The following RBFOX1 variants were observed in gnomAD, a reference collection of about 807,000 sequenced individuals.
RBFOX1 encodes RNA binding protein fox-1 homolog 1.
In RBFOX1, 8 loss-of-function variants were observed where a neutral mutation model predicts 57.7. The ratio of observed to expected loss-of-function variants is 0.14; its 90% CI spans 0.08 to 0.25. The LOEUF (loss-of-function observed/expected upper bound fraction) is 0.25. RBFOX1 is among the 10% of genes least tolerant of loss of function. RBFOX1 has a pLI of 1.00. For synonymous variants in RBFOX1, 326 were observed against 222.4 expected (o/e 1.47, Z -4.15); for missense variants, 611 against 548.5 (o/e 1.11, Z -1.14).
At chr16:7,551,445 G>A (rs970006450) in intron 5 of RBFOX1, among the ~76,000 whole-genome samples, 1 of 152,154 alleles carries the variant, frequency 6.6e-6, no homozygotes, top group Non-Finnish European at 1.5e-5. Flanking sequence ...GGAATATTTG[G>A]GGCGCACTTG....
intron 4 of RBFOX1, among the ~76,000 whole-genome samples, chr16:6,009,052 G>T (rs2094944155): frequency 6.6e-6 from 1 of 151,780 alleles, no homozygotes; most frequent in Non-Finnish European, 1.5e-5. Context: ...GGAGAGGGAT[G>T]CAAGAAAATT....
At chr16:7,607,581 T>C (rs1409313653) in intron 10 of RBFOX1, among the ~76,000 whole-genome samples, 1 of 152,178 alleles carries the variant, frequency 6.6e-6, no homozygotes, top group Admixed American at 6.5e-5. Flanking sequence ...CAATTCACAT[T>C]GATTTTGCCC....
chr16:7,467,162 A>T (rs1164133178), intron 4 of RBFOX1, among the ~76,000 whole-genome samples: 2 of 152,232 alleles, frequency 1.3e-5, no homozygotes, highest in Non-Finnish European at 2.9e-5. Context: ...TAGAGAGGAA[A>T]TCAGACTTCT....
In RBFOX1 at chr16:7,606,638, A is replaced by G. The variant is rs572660814; in HGVS notation, c.623-647A>G. 8.7e-4 allele frequency among the ~76,000 whole-genome samples: 132 copies of G among 152,332 alleles called. 2 individuals are homozygous for G. The highest frequency in any genetic ancestry group is 2.9e-3 in the African/African-American group (122 of 41,580). ...TTACAAAAAACTCTCCATCCAGAAC[A>G]TTTGGAAAATTACAGGATTCCATTA... is the stretch of plus-strand genomic sequence containing the variant. On this transcript the variant is annotated intron_variant, in intron 9 of 15. Coordinates refer to ENST00000550418, the MANE Select transcript of RBFOX1 (RefSeq NM_018723.4).
At position 5,500,171 on chromosome 16, in the gene RBFOX1, GCCTC is replaced by G. The variant is rs750611305; in HGVS notation, c.258+32937_258+32940del. ...TTCCCTTCCTCCCCTCCCACTCCCT[GCCTC>G]CCTCCCTCCCTCCCTCCCTTCATTC... On this transcript the variant is annotated intron_variant, in intron 2 of 2. Transcript: ENST00000585867. Among the ~76,000 whole-genome samples, 33 of 88,682 alleles carry G rather than the reference GCCTC, an allele frequency of 3.7e-4. 1 individual carries two copies. In the East Asian group the frequency reaches 7.2e-3, roughly 19 times the overall value. The allele number at this position is 88,682 out of a possible 152,430, so 58.2% of individuals were successfully genotyped here. A position where few individuals can be genotyped will look rare whatever the true frequency, so the allele number is the denominator to read the frequency against.
chr16:5,643,980 CCGCTGTT>C, intron 3 of RBFOX1, among the ~76,000 whole-genome samples: 1 of 152,282 alleles, frequency 6.6e-6, no homozygotes, highest in South Asian at 2.1e-4. Flanking sequence ...TCAAAAGGGC[CCGCTGTT>C]TTACGATGTC....
intron 2 of RBFOX1, among the ~76,000 whole-genome samples, chr16:5,484,371 C>G (rs150233952): frequency 1.3e-3 from 194 of 152,330 alleles, no homozygotes; most frequent in African/African-American, 4.5e-3. Flanking sequence ...ACTGGCTTCT[C>G]TTAGTGAGAG....
chr16:7,265,958 G>GTTTTTTTTT (rs201372502), intron 4 of RBFOX1, among the ~76,000 whole-genome samples: 1 of 107,604 alleles, frequency 9.3e-6, no homozygotes. Flanking sequence ...GATCTGGTGG[G>GTTTTTTTTT]TTTTTGTTTT....
At chr16:7,125,618 A>G (rs1031886684) in intron 4 of RBFOX1, among the ~76,000 whole-genome samples, 21 of 152,202 alleles carry the variant, frequency 1.4e-4, no homozygotes, top group African/African-American at 3.9e-4. Context: ...GCAATAATAT[A>G]GAAGATGGAT....
In RBFOX1 at chr16:5,549,359, C is replaced by T. The variant is rs532041937; in HGVS notation, c.259-49543C>T. Among the ~76,000 whole-genome samples the T allele has an allele frequency of 2.6e-5, 4 of 152,316 alleles. No individual in the cohort carries two copies. In the South Asian group the frequency reaches 8.3e-4, roughly 32 times the overall value. On this transcript the variant is annotated intron_variant, in intron 2 of 2. Coordinates refer to the RBFOX1 transcript ENST00000585867. ...CCCCTGCTGGTAACTGGATCTGCTTCTTCAAGCTGTGGGACCCTCAGTAGC... is the reference window on the plus strand; with the variant it reads ...CCCCTGCTGGTAACTGGATCTGCTTTTTCAAGCTGTGGGACCCTCAGTAGC...
In RBFOX1 at chr16:5,620,926, C is replaced by G. The variant is rs139659154; in HGVS notation, c.318+21965C>G. ...TGTGATCTCGGCTCACTGCAAGTTC[C>G]GCCTCCCGGGTTCCTGCCATTCTCC... On this transcript the variant is annotated intron_variant, in intron 3 of 19. Transcript: ENST00000641259. 8.2e-3 allele frequency among the ~76,000 whole-genome samples: 1,240 copies of G among 151,172 alleles called. 20 individuals are homozygous for G. Among genetic ancestry groups the G allele is most frequent in the African/African-American group, 0.028 (1,166 of 41,116 alleles).
At chr16:5,681,765 A>G (rs532274551) in intron 3 of RBFOX1, among the ~76,000 whole-genome samples, 2 of 152,246 alleles carry the variant, frequency 1.3e-5, no homozygotes, top group Non-Finnish European at 2.9e-5. Flanking sequence ...TATTTCAGGC[A>G]TTTTTAACAA....
At chr16:5,939,510 G>T (rs564749188) in intron 4 of RBFOX1, among the ~76,000 whole-genome samples, 126 of 152,260 alleles carry the variant, frequency 8.3e-4, no homozygotes, top group Admixed American at 1.4e-3. Flanking sequence ...AGGACTGTCT[G>T]AGCATCCTCA....
chr16:7,662,001 G>A (rs2067882577), intron 12 of RBFOX1, among the ~76,000 whole-genome samples: 2 of 149,340 alleles, frequency 1.3e-5, no homozygotes. Flanking sequence ...CACAAAACTG[G>A]CCATGGTGCA....
intron 2 of RBFOX1, among the ~76,000 whole-genome samples, chr16:6,544,103 A>C (rs1304422120): frequency 6.6e-6 from 1 of 152,058 alleles, no homozygotes; most frequent in Admixed American, 6.6e-5. Flanking sequence ...GAGATGGGAG[A>C]GTATCTTATC....
At chr16:5,799,068 T>C (rs1033422300) in intron 3 of RBFOX1, among the ~76,000 whole-genome samples, 1 of 152,176 alleles carries the variant, frequency 6.6e-6, no homozygotes, top group African/African-American at 2.4e-5. Context: ...AAAAGAGTTT[T>C]CATGGACTCA....
At chr16:7,171,746 C>G (rs1601786013) in intron 4 of RBFOX1, among the ~76,000 whole-genome samples, 1 of 152,198 alleles carries the variant, frequency 6.6e-6, no homozygotes, top group South Asian at 2.1e-4. Context: ...TGTAATAACT[C>G]ATTATCAATC....
chr16:6,140,813 C>A (rs939495588), intron 1 of RBFOX1, among the ~76,000 whole-genome samples: 22 of 152,300 alleles, frequency 1.4e-4, no homozygotes, highest in Non-Finnish European at 2.5e-4. Context: ...TTCCTTCTCA[C>A]TTCTGAAAAA....
chr16:7,016,017 T>G (rs542085105), intron 3 of RBFOX1, among the ~76,000 whole-genome samples: 1 of 152,262 alleles, frequency 6.6e-6, no homozygotes, highest in East Asian at 1.9e-4. Flanking sequence ...TAGGGTTTCT[T>G]TCTTGGAAAG....
Sources: allele counts gnomAD v4.1 joint callset (sites outside exome capture counted in the v4.1 genomes callset), GRCh38; gene constraint gnomAD v4.1.1; transcripts MANE v1.5; gene names NCBI Gene and HGNC (gene_info 2026-07-23, HGNC 2026-07-21).